Variants in LLPH observed in about 807,000 individuals in gnomAD.
LLPH encodes the protein protein LLP homolog.
Under a neutral mutation model 13.3 loss-of-function variants are expected in LLPH, and 5 were observed. The ratio of observed to expected loss-of-function variants is 0.38; its 90% confidence interval spans 0.20 to 0.79. LLPH has a LOEUF of 0.79. Among genes scored for constraint, LLPH ranks in the 30% least tolerant of loss-of-function variants. LLPH has a pLI of 0.45. For missense variants in LLPH, 129 were observed against 152.1 expected (o/e 0.85, Z 0.80); for synonymous variants, 32 against 44.2 (o/e 0.72, Z 1.09).
Position 66,123,873 on chromosome 12 carries a change from T to C in LLPH, c.357A>G (p.Lys119=). 2 of 1,612,134 alleles carry C rather than the reference T, an allele frequency of 1.2e-6. No individual in the cohort carries two copies. ...REKRKGKSKA[K]AVKVAKGLAW ...CCAAACCCTTTGCCACTTTCACTGC[T>C]TTTGCTTTGCTTTTCCCCTTTCTTT... is the stretch of plus-strand genomic sequence containing the variant. Residue 119 remains lysine, a synonymous_variant, in exon 3 of 3, where the codon AAA becomes AAG. Coordinates refer to ENST00000266604, the MANE Select transcript of LLPH (RefSeq NM_032338.4).
chr12:66,129,316 T>C (rs1254821459), intron 1 of LLPH, among the ~76,000 whole-genome samples: 1 of 152,070 alleles, frequency 6.6e-6, no homozygotes, highest in Non-Finnish European at 1.5e-5. Context: ...AATAACAAGA[T>C]ATCAAATCAA....
chr12:66,120,106 T>C lies in LLPH; in HGVS notation c.*3734A>G, dbSNP rs558161237. 16 of 152,160 alleles carry C rather than the reference T, an allele frequency of 1.1e-4. No individual in the cohort carries two copies. The highest frequency in any genetic ancestry group is 1.5e-4 in the Non-Finnish European group (10 of 68,028). 9.4% of individuals were successfully genotyped at this position (152,160 alleles called of 1,614,324 possible). On this transcript the variant is annotated 3_prime_UTR_variant, in exon 3 of 3. Transcript: ENST00000266604. Reference sequence around the variant, plus strand: ...GCAACTACTGATCATGGCCTACACCTTCCCCTTTTGGATTGGTCAGCCCAT... The same window carrying C: ...GCAACTACTGATCATGGCCTACACCCTCCCCTTTTGGATTGGTCAGCCCAT...
chr12:66,130,153 C>T (rs75293718), intron 1 of LLPH, among the ~76,000 whole-genome samples: 1 of 152,174 alleles, frequency 6.6e-6, no homozygotes, highest in African/African-American at 2.4e-5. Flanking sequence ...CTTCTCAAGG[C>T]TTGCTCCTTC....
At chr12:66,127,056 A>C (rs1223122397) in intron 2 of LLPH, among the ~76,000 whole-genome samples, 4 of 152,264 alleles carry the variant, frequency 2.6e-5, no homozygotes, top group Non-Finnish European at 4.4e-5. Context: ...GATGGCTATA[A>C]TCCGAAAATG....
intron 1 of LLPH, among the ~76,000 whole-genome samples, chr12:66,129,575 C>T (rs1478195051): frequency 6.6e-6 from 1 of 151,914 alleles, no homozygotes; most frequent in Non-Finnish European, 1.5e-5. Context: ...TTAGTAGAGA[C>T]GGGTTTTCAC....
At chr12:66,127,078 T>A (rs1335639667) in intron 2 of LLPH, among the ~76,000 whole-genome samples, 1 of 152,202 alleles carries the variant, frequency 6.6e-6, no homozygotes, top group Admixed American at 6.5e-5. Context: ...AAAACAAGTA[T>A]TAGTGAGGAT....
chr12:66,121,932 CTGA>C lies in LLPH; in HGVS notation c.*1905_*1907del, dbSNP rs979892368. 12 of 149,724 alleles carry C rather than the reference CTGA, an allele frequency of 8.0e-5. No individual in the cohort carries two copies. The highest frequency in any genetic ancestry group is 2.9e-4 in the African/African-American group (12 of 40,804). 9.3% of individuals were successfully genotyped at this position (149,724 alleles called of 1,614,324 possible). A position where few individuals can be genotyped will look rare whatever the true frequency, so the allele number is the denominator to read the frequency against. ...AAATAATTCAGCTACTGTATTTAGGCTGATATTGTCAGTGGCTTAACTGGTTGT... is the reference window on the plus strand; with the variant it reads ...AAATAATTCAGCTACTGTATTTAGGCTATTGTCAGTGGCTTAACTGGTTGT... On this transcript the variant is annotated 3_prime_UTR_variant, in exon 3 of 3. Transcript: ENST00000266604.
Position 66,119,437 on chromosome 12 carries a change from A to T in LLPH, c.*4403T>A, listed in dbSNP as rs141319138. ...TGGCCCTGGGCCTCCTGGCTACCTGACAGTCCTCTGGAAACAGCAGAGTGA... is the reference window on the plus strand; with the variant it reads ...TGGCCCTGGGCCTCCTGGCTACCTGTCAGTCCTCTGGAAACAGCAGAGTGA... On this transcript the variant is annotated 3_prime_UTR_variant, in exon 3 of 3. Transcript: ENST00000266604. The T allele has an allele frequency of 6.6e-6, 1 of 152,120 alleles. No homozygotes were observed. Among genetic ancestry groups the T allele is most frequent in the African/African-American group, 2.4e-5 (1 of 41,564 alleles). The allele number at this position is 152,120 out of a possible 1,614,324, so 9.4% of individuals were successfully genotyped here. A position where few individuals can be genotyped will look rare whatever the true frequency, so the allele number is the denominator to read the frequency against.
Position 66,120,916 on chromosome 12 carries a change from G to A in LLPH, c.*2924C>T, listed in dbSNP as rs749108170. ...CTTGCTGGTAGTGTTCAGGAACTCA[G>A]TGCCTTAGAGGGTACTGACAACACT... is the stretch of plus-strand genomic sequence containing the variant. On this transcript the variant is annotated 3_prime_UTR_variant, in exon 3 of 3. Coordinates refer to ENST00000266604, the MANE Select transcript of LLPH (RefSeq NM_032338.4). The A allele has an allele frequency of 1.3e-5, 2 of 152,218 alleles. No homozygotes were observed. The highest frequency in any genetic ancestry group is 2.9e-5 in the Non-Finnish European group (2 of 68,060). 9.4% of individuals were successfully genotyped at this position (152,218 alleles called of 1,614,324 possible). A position where few individuals can be genotyped will look rare whatever the true frequency, so the allele number is the denominator to read the frequency against.
intron 2 of LLPH, among the ~76,000 whole-genome samples, chr12:66,127,958 T>G (rs1301901694): frequency 4.6e-5 from 7 of 151,974 alleles, no homozygotes; most frequent in Admixed American, 4.6e-4. Flanking sequence ...AGAACACAAG[T>G]GGAGAAACTG....
At chr12:66,128,028 T>C (rs2051508533) in intron 2 of LLPH, among the ~76,000 whole-genome samples, 1 of 152,322 alleles carries the variant, frequency 6.6e-6, no homozygotes, top group Middle Eastern at 3.4e-3. Context: ...TGAATTCTTA[T>C]AGACTTGGGT....
rs766139385 is a variant in LLPH, at chr12:66,123,994, A to G, written c.236T>C (p.Ile79Thr). The G allele has an allele frequency of 3.1e-6, 5 of 1,605,026 alleles. No homozygotes were observed. In the South Asian group the frequency reaches 5.6e-5, roughly 18 times the overall value. Residue 79 changes from isoleucine to threonine, a missense_variant, in exon 3 of 3, where the codon ATT becomes ACT. Physicochemically the swap from Ile to Thr is moderately conservative, Grantham distance 89. Coordinates refer to ENST00000266604, the MANE Select transcript of LLPH (RefSeq NM_032338.4). Reference protein sequence around the residue: ...EKDDMKMETDIKRNKKTLLDQ... With the variant: ...EKDDMKMETDTKRNKKTLLDQ... ...TAGAAGAGTCTTTTTGTTTCTCTTAATATCAGTCTCCATTTTCATGTCATC... is the reference window on the plus strand; with the variant it reads ...TAGAAGAGTCTTTTTGTTTCTCTTAGTATCAGTCTCCATTTTCATGTCATC...
intron 2 of LLPH, among the ~76,000 whole-genome samples, chr12:66,126,466 A>G (rs1268275574): frequency 6.6e-6 from 1 of 152,200 alleles, no homozygotes; most frequent in Non-Finnish European, 1.5e-5. Context: ...AAAAGAAAAC[A>G]GGATCAATCC....
rs2051437541 is a variant in LLPH, at chr12:66,117,666, AAGGTATT to A, written c.*6167_*6173del. 1.3e-5 allele frequency: 2 copies of A among 152,222 alleles called. No individual in the cohort carries two copies. The highest frequency in any genetic ancestry group is 4.8e-5 in the African/African-American group (2 of 41,454). The allele number at this position is 152,222 out of a possible 1,614,324, so 9.4% of individuals were successfully genotyped here. A position where few individuals can be genotyped will look rare whatever the true frequency, so the allele number is the denominator to read the frequency against. ...GAACAGCCTCAGGCAGGTCCTCCAG[AAGGTATT>A]GCACAAGAAGGTGTTGCTCTCATAG... On this transcript the variant is annotated 3_prime_UTR_variant, in exon 3 of 3. Transcript: ENST00000266604.
chr12:66,123,741 A>C lies in LLPH; in HGVS notation c.*99T>G. 1 of 1,305,720 alleles carries C rather than the reference A, an allele frequency of 7.7e-7. No homozygotes were observed. The highest frequency in any genetic ancestry group is 1.0e-6 in the Non-Finnish European group (1 of 955,670). 80.9% of individuals were successfully genotyped at this position (1,305,720 alleles called of 1,614,324 possible). A position where few individuals can be genotyped will look rare whatever the true frequency, so the allele number is the denominator to read the frequency against. On this transcript the variant is annotated 3_prime_UTR_variant, in exon 3 of 3. Transcript: ENST00000266604. Reference sequence around the variant, plus strand: ...AAGGCCAAGTTAAAATAGGAAAACAAATGGTTTTCATTTGGTGGCAGTTGA... The same window carrying C: ...AAGGCCAAGTTAAAATAGGAAAACACATGGTTTTCATTTGGTGGCAGTTGA...
chr12:66,126,101 G>T (rs560475590), intron 2 of LLPH, among the ~76,000 whole-genome samples: 13 of 152,038 alleles, frequency 8.6e-5, no homozygotes, highest in Admixed American at 3.9e-4. Flanking sequence ...GAGGCGGGTG[G>T]ATCACGAGGT....
At position 66,128,750 on chromosome 12, in the gene LLPH, G is replaced by A. The variant is rs74097894; in HGVS notation, c.211+146C>T. The stretch of plus-strand genomic sequence containing the variant: ...ACCCAGTGCTTTGGAAGGCTGAGGT[G>A]GGAAGAATCCGCTTCAGCTCAGGAA... On this transcript the variant is annotated intron_variant, in intron 2 of 2. Coordinates refer to ENST00000266604, the MANE Select transcript of LLPH (RefSeq NM_032338.4). 1,904 of 636,098 alleles carry A rather than the reference G, an allele frequency of 3.0e-3. 21 individuals carry two copies. In the African/African-American group the frequency reaches 0.032, roughly 11 times the overall value. 39.4% of individuals were successfully genotyped at this position (636,098 alleles called of 1,614,324 possible).
In LLPH at chr12:66,119,101, C is replaced by T. The variant is rs576191964; in HGVS notation, c.*4739G>A. 6.6e-6 allele frequency: 1 copy of T among 152,290 alleles called. No individual in the cohort carries two copies. The highest frequency in any genetic ancestry group is 2.4e-5 in the African/African-American group (1 of 41,556). 9.4% of individuals were successfully genotyped at this position (152,290 alleles called of 1,614,324 possible). ...TCATTCTATACTCTGGGACAGGCGGCTTGCTCACTACTTAGCAGTTGCATG... is the reference window on the plus strand; with the variant it reads ...TCATTCTATACTCTGGGACAGGCGGTTTGCTCACTACTTAGCAGTTGCATG... On this transcript the variant is annotated 3_prime_UTR_variant, in exon 3 of 3. Coordinates refer to ENST00000266604, the MANE Select transcript of LLPH (RefSeq NM_032338.4).
rs1358243240 is a variant in LLPH at position 66,126,072 on chromosome 12, C to T, written c.212-2054G>A. Among the ~76,000 whole-genome samples the T allele has an allele frequency of 2.0e-5, 3 of 152,228 alleles. No individual in the cohort carries two copies. In the East Asian group the frequency reaches 5.8e-4, roughly 29 times the overall value. On this transcript the variant is annotated intron_variant, in intron 2 of 2. Coordinates refer to ENST00000266604, the MANE Select transcript of LLPH (RefSeq NM_032338.4). ...AGGCGCAGTGGCTCACGCCTGTAAT[C>T]CCAGCACTTTGGGAGGCCGAGGCGG...
Sources: allele counts gnomAD v4.1 joint callset (sites outside exome capture counted in the v4.1 genomes callset), GRCh38; gene constraint gnomAD v4.1.1; transcripts MANE v1.5; gene names NCBI Gene and HGNC (gene_info 2026-07-23, HGNC 2026-07-21).